DGKI: variants seen among roughly 807,000 people sequenced by gnomAD.
DGKI encodes the protein diacylglycerol kinase iota.
DGKI carries 55 observed loss-of-function variants against 147.5 expected under a neutral mutation model. The ratio of observed to expected loss-of-function variants is 0.37; its 90% CI spans 0.30 to 0.47. DGKI has a LOEUF of 0.47. Ranked by LOEUF, DGKI falls within the 20% of genes least tolerant of loss-of-function variation. The probability of loss-of-function intolerance (pLI) is 1.00; values close to 1 mark genes in which losing one functional copy is unlikely to be tolerated. For synonymous variants in DGKI, 469 were observed against 477.1 expected, an observed-to-expected ratio of 0.98 and a Z score of 0.22; for missense variants, 1,007 against 1,323.8, an observed-to-expected ratio of 0.76 and a Z score of 3.71.
At chr7:137,597,436 G>A (rs1033846640) in intron 12 of DGKI, among the ~76,000 whole-genome samples, 2 of 151,612 alleles carry the variant, frequency 1.3e-5, no homozygotes, top group African/African-American at 2.4e-5. Flanking sequence ...AATATTCTGA[G>A]TTTTATTCCC....
chr7:137,576,043 C>CTTTTTTTTTTTTTTTTTT (rs1386281275), intron 17 of DGKI, among the ~76,000 whole-genome samples: 1 of 135,062 alleles, frequency 7.4e-6, no homozygotes, highest in African/African-American at 2.8e-5. Flanking sequence ...TTTTCTTTTT[C>CTTTTTTTTTTTTTTTTTT]TTTTTTTTTT....
chr7:137,392,222 A>C (rs1298937224), intron 32 of DGKI, among the ~76,000 whole-genome samples: 1 of 152,182 alleles, frequency 6.6e-6, no homozygotes, highest in Non-Finnish European at 1.5e-5. Flanking sequence ...ATACACACAT[A>C]TACACATATA....
chr7:137,701,159 GA>G (rs886615673), intron 1 of DGKI, among the ~76,000 whole-genome samples: 5 of 145,840 alleles, frequency 3.4e-5, no homozygotes, highest in African/African-American at 7.6e-5. Flanking sequence ...CCTACTTGCA[GA>G]AAAAAAAAAT....
At chr7:137,711,901 C>T (rs1794227864) in intron 1 of DGKI, among the ~76,000 whole-genome samples, 1 of 151,666 alleles carries the variant, frequency 6.6e-6, no homozygotes, top group African/African-American at 2.4e-5. Flanking sequence ...ACCACGTTGG[C>T]CAGGATGGTC....
intron 3 of DGKI, among the ~76,000 whole-genome samples, chr7:137,673,226 G>A (rs1822915519): frequency 6.6e-6 from 1 of 152,132 alleles, no homozygotes; most frequent in African/African-American, 2.4e-5. Context: ...GAGGCGTCAG[G>A]ACTTCGACAT....
At chr7:137,571,766 T>C (rs546526601) in intron 18 of DGKI, among the ~76,000 whole-genome samples, 3 of 150,818 alleles carry the variant, frequency 2.0e-5, no homozygotes, top group African/African-American at 4.9e-5. Context: ...GAAATATAGA[T>C]AAGAGATTAG....
intron 21 of DGKI, among the ~76,000 whole-genome samples, chr7:137,504,824 C>T (rs549360696): frequency 1.4e-4 from 21 of 151,984 alleles, no homozygotes; most frequent in Non-Finnish European, 2.4e-4. Context: ...ATGGCAATGA[C>T]ATTTTAGATA....
chr7:137,698,582 C>G (rs1834143), intron 1 of DGKI, among the ~76,000 whole-genome samples: 67,063 of 151,860 alleles, frequency 0.44, 16,240 homozygotes, highest in African/African-American at 0.64. Flanking sequence ...GACAATACCT[C>G]GGAAGGGGCT....
At chr7:137,420,495 C>G (rs1335865606) in intron 28 of DGKI, among the ~76,000 whole-genome samples, 1 of 151,954 alleles carries the variant, frequency 6.6e-6, no homozygotes, top group Non-Finnish European at 1.5e-5. Flanking sequence ...AATCAACAGT[C>G]TTTTTACCTA....
At chr7:137,440,817 A>C (rs957381531) in intron 28 of DGKI, among the ~76,000 whole-genome samples, 1 of 152,196 alleles carries the variant, frequency 6.6e-6, no homozygotes, top group African/African-American at 2.4e-5. Flanking sequence ...ATATAGAAAC[A>C]GTTTATGTGT....
At chr7:137,834,680 T>C (rs767486306) in intron 1 of DGKI, among the ~76,000 whole-genome samples, 1 of 152,214 alleles carries the variant, frequency 6.6e-6, no homozygotes, top group South Asian at 2.1e-4. Flanking sequence ...AACAACAAAG[T>C]TTGCTCCCTT....
At chr7:137,672,238 G>A (rs756874096) in intron 3 of DGKI, among the ~76,000 whole-genome samples, 4 of 152,164 alleles carry the variant, frequency 2.6e-5, no homozygotes, top group Non-Finnish European at 4.4e-5. Flanking sequence ...AAGGTAACTC[G>A]ACTTATAGAA....
At chr7:137,391,458 T>C in intron 32 of DGKI, 122 bp from the exon 33 acceptor site, 1 of 653,418 alleles carries the variant, frequency 1.5e-6, no homozygotes, top group Non-Finnish European at 2.6e-6. Context: ...TACGCAAGGA[T>C]ACCTGCTAGT....
chr7:137,548,080 T>C (rs1817923136), intron 20 of DGKI, among the ~76,000 whole-genome samples: 1 of 152,122 alleles, frequency 6.6e-6, no homozygotes. Flanking sequence ...GATTCTTATA[T>C]CAATCTAACG....
In DGKI at chr7:137,383,129, C is replaced by G. The variant is rs1012573954; in HGVS notation, c.*8091G>C. Reference sequence around the variant, plus strand: ...GTAAGTAGGGGAAAGAACACTAAATCCTTTGTTTTCACTTTGACTCCTGAA... The same window carrying G: ...GTAAGTAGGGGAAAGAACACTAAATGCTTTGTTTTCACTTTGACTCCTGAA... On this transcript the variant is annotated 3_prime_UTR_variant, in exon 33 of 33. Transcript: ENST00000614521. 1 of 151,856 alleles carries G rather than the reference C, an allele frequency of 6.6e-6. No homozygotes were observed. Among genetic ancestry groups the G allele is most frequent in the Non-Finnish European group, 1.5e-5 (1 of 67,866 alleles). The allele number at this position is 151,856 out of a possible 1,614,324, so 9.4% of individuals were successfully genotyped here. A position where few individuals can be genotyped will look rare whatever the true frequency, so the allele number is the denominator to read the frequency against.
chr7:137,438,586 G>A (rs191743652), intron 28 of DGKI, among the ~76,000 whole-genome samples: 24 of 152,124 alleles, frequency 1.6e-4, no homozygotes, highest in African/African-American at 4.6e-4. Context: ...AGGTTTAAGC[G>A]CATGGATACG....
chr7:137,441,143 G>A (rs112672606), intron 28 of DGKI, among the ~76,000 whole-genome samples: 12,152 of 152,066 alleles, frequency 0.08, 1,344 homozygotes, highest in African/African-American at 0.25. Flanking sequence ...AAAGTGGGCC[G>A]GGCACGGTGG....
intron 5 of DGKI, 72 bp from the exon 6 acceptor site, chr7:137,645,609 C>T (rs1821797561): frequency 7.4e-7 from 1 of 1,348,914 alleles, no homozygotes; most frequent in Non-Finnish European, 1.0e-6. Context: ...CTCTGTCACC[C>T]ACACTGGAGT....
intron 6 of DGKI, among the ~76,000 whole-genome samples, chr7:137,633,532 T>C (rs1406193733): frequency 2.6e-5 from 4 of 152,214 alleles, no homozygotes; most frequent in African/African-American, 9.7e-5. Flanking sequence ...TTTCCAAAAT[T>C]ATCTAAGTGC....
Sources: gnomAD v4.1 joint callset for allele counts (sites outside exome capture counted in the v4.1 genomes callset) on GRCh38, gnomAD v4.1.1 for gene constraint, MANE v1.5 for transcripts, NCBI Gene and HGNC (gene_info 2026-07-23, HGNC 2026-07-21) for gene names.